Variants in PHKB observed in about 807,000 individuals in gnomAD.
PHKB encodes the protein phosphorylase kinase regulatory subunit beta, also known as phosphorylase b kinase regulatory subunit beta.
Under a neutral mutation model 152.1 loss-of-function variants are expected in PHKB, and 122 were observed. The ratio of observed to expected loss-of-function variants is 0.80; its 90% CI spans 0.69 to 0.93. The LOEUF (loss-of-function observed/expected upper bound fraction) is 0.93. PHKB is among the 40% of genes least tolerant of loss of function. The pLI is 0.00. For missense variants in PHKB, 1,304 were observed against 1,328.4 expected, an observed-to-expected ratio of 0.98 and a Z score of 0.29; for synonymous variants, 436 against 464.9, an observed-to-expected ratio of 0.94 and a Z score of 0.80.
At chr16:47,656,819 T>C (rs531343929) in intron 20 of PHKB, among the ~76,000 whole-genome samples, 39 of 152,294 alleles carry the variant, frequency 2.6e-4, no homozygotes, top group Admixed American at 6.5e-4. Context: ...CATTCATTAC[T>C]AGGATCCCAG....
intron 7 of PHKB, among the ~76,000 whole-genome samples, chr16:47,572,416 G>A (rs193225429): frequency 6.6e-6 from 1 of 152,276 alleles, no homozygotes; most frequent in Admixed American, 6.5e-5. Flanking sequence ...CACTCTATTT[G>A]GGATGTGACT....
Position 47,700,170 on chromosome 16 carries a change from GA to G in PHKB, c.*808del, listed in dbSNP as rs1320251078. 1.3e-5 allele frequency: 2 copies of G among 151,794 alleles called. No individual in the cohort carries two copies. The highest frequency in any genetic ancestry group is 4.8e-5 in the African/African-American group (2 of 41,312). The allele number at this position is 151,794 out of a possible 1,614,324, so 9.4% of individuals were successfully genotyped here. ...TCAAGACCAGCCCAGCCAACATGGT[GA>G]AAACCCTGTCTCTACTAAAAATACA... is the stretch of plus-strand genomic sequence containing the variant. On this transcript the variant is annotated 3_prime_UTR_variant, in exon 31 of 31. Transcript: ENST00000323584.
At chr16:47,500,875 T>C (rs1002863934) in intron 3 of PHKB, among the ~76,000 whole-genome samples, 1 of 152,204 alleles carries the variant, frequency 6.6e-6, no homozygotes, top group Non-Finnish European at 1.5e-5. Flanking sequence ...TCCATAGTTA[T>C]GTTTCTGATT....
Position 47,658,729 on chromosome 16 carries a change from C to T in PHKB, c.1972-1777C>T, listed in dbSNP as rs147997098. Among the ~76,000 whole-genome samples the T allele has an allele frequency of 2.0e-5, 3 of 152,032 alleles. No individual in the cohort carries two copies. The East Asian group carries it at 5.8e-4, about 29-fold the overall frequency. ...CCACCTACGTTTGTGTAAGTACACT[C>T]TATGGGTGTTCACACAACAACGAGA... On this transcript the variant is annotated intron_variant, in intron 20 of 30. Transcript: ENST00000323584.
At chr16:47,554,411 G>A (rs1971329112) in intron 7 of PHKB, among the ~76,000 whole-genome samples, 1 of 152,200 alleles carries the variant, frequency 6.6e-6, no homozygotes, top group Non-Finnish European at 1.5e-5. Context: ...CTGCTGTGCT[G>A]GCAACGAGAA....
chr16:47,590,764 C>T (rs888039604), intron 10 of PHKB: 5 of 152,154 alleles, frequency 3.3e-5, no homozygotes, highest in Admixed American at 2.6e-4. Context: ...AGGAGCTGCC[C>T]CACAGTCAGG....
Position 47,693,413 on chromosome 16 carries a change from T to C in PHKB, c.2801T>C (p.Leu934Ser). The stretch of plus-strand genomic sequence containing the variant: ...AACAGGCGTCAGATCGATGGGTCTT[T>C]GAATAGAACTCCCACCGGGTTCTAT... Reference protein sequence around the residue: ...WLNRRQIDGSLNRTPTGFYDR... With the variant: ...WLNRRQIDGSSNRTPTGFYDR... The change falls in exon 28 of 31, where the codon TTG becomes TCG. Residue 934 changes from leucine (L) to serine (S), a missense_variant. Leu to Ser is a moderately radical substitution (Grantham distance 145). Coordinates refer to ENST00000323584, the MANE Select transcript of PHKB (RefSeq NM_000293.3). The C allele has an allele frequency of 6.2e-7, 1 of 1,613,958 alleles. No homozygotes were observed.
chr16:47,636,969 G>A (rs533557218), intron 14 of PHKB, among the ~76,000 whole-genome samples: 13 of 152,198 alleles, frequency 8.5e-5, no homozygotes, highest in African/African-American at 2.6e-4. Flanking sequence ...ATCAGCATGC[G>A]CTTCCTCCCT....
chr16:47,532,498 C>T (rs1381895777), intron 6 of PHKB, among the ~76,000 whole-genome samples: 1 of 152,166 alleles, frequency 6.6e-6, no homozygotes, highest in East Asian at 1.9e-4. Context: ...CAAGGATGAG[C>T]CAGATGTGGA....
intron 6 of PHKB, among the ~76,000 whole-genome samples, chr16:47,538,199 A>T (rs1970987698): frequency 6.6e-6 from 1 of 152,158 alleles, no homozygotes; most frequent in African/African-American, 2.4e-5. Context: ...CTAGCCACAA[A>T]GCTTTAAACT....
chr16:47,584,184 A>G (rs1338237765), intron 8 of PHKB, among the ~76,000 whole-genome samples: 2 of 152,112 alleles, frequency 1.3e-5, no homozygotes, highest in Non-Finnish European at 2.9e-5. Flanking sequence ...ATAAAAGCCA[A>G]TTTGGGGCAG....
Position 47,669,210 on chromosome 16 carries a change from T to C in PHKB, c.2428-5T>C, listed in dbSNP as rs1279413713. On this transcript the variant is annotated splice_polypyrimidine_tract_variant and splice_region_variant and intron_variant, in intron 25 of 30. Coordinates refer to ENST00000323584, the MANE Select transcript of PHKB (RefSeq NM_000293.3). ...AATTTTACAATAAAATTCTGCCACT[T>C]GTAGGTAACTCTGGGTGCCTTTGGG... 6.2e-7 allele frequency: 1 copy of C among 1,611,336 alleles called. No individual in the cohort carries two copies. The highest frequency in any genetic ancestry group is 2.2e-5 in the East Asian group (1 of 44,856).
chr16:47,655,189 T>A (rs1973313589), intron 20 of PHKB, among the ~76,000 whole-genome samples: 1 of 152,136 alleles, frequency 6.6e-6, no homozygotes, highest in East Asian at 1.9e-4. Context: ...TAATATGTAA[T>A]CAAGGAAACA....
intron 1 of PHKB, among the ~76,000 whole-genome samples, chr16:47,495,023 G>A (rs1358649877): frequency 6.6e-6 from 1 of 152,084 alleles, no homozygotes; most frequent in Non-Finnish European, 1.5e-5. Flanking sequence ...AGCTGTTCTT[G>A]ACTTATCATG....
chr16:47,507,462 C>T (rs1970439814), intron 4 of PHKB, among the ~76,000 whole-genome samples: 1 of 152,126 alleles, frequency 6.6e-6, no homozygotes, highest in Non-Finnish European at 1.5e-5. Context: ...ATTAACCAGT[C>T]ATCACAATTG....
At chr16:47,608,980 C>T (rs1972376959) in intron 13 of PHKB, among the ~76,000 whole-genome samples, 1 of 152,086 alleles carries the variant, frequency 6.6e-6, no homozygotes, top group Admixed American at 6.6e-5. Flanking sequence ...ATTCCTGATC[C>T]TTGGGGGAAA....
At chr16:47,545,581 T>C (rs1251954994) in intron 6 of PHKB, among the ~76,000 whole-genome samples, 1 of 152,208 alleles carries the variant, frequency 6.6e-6, no homozygotes, top group African/African-American at 2.4e-5. Flanking sequence ...TTGAGGTTGC[T>C]CTTTTCGAGG....
At chr16:47,552,810 C>T (rs1971296742) in intron 7 of PHKB, among the ~76,000 whole-genome samples, 1 of 151,814 alleles carries the variant, frequency 6.6e-6, no homozygotes, top group Admixed American at 6.6e-5. Context: ...AACACACACA[C>T]ACACACACAC....
chr16:47,682,092 C>T (rs1973869350), intron 26 of PHKB, among the ~76,000 whole-genome samples: 1 of 152,098 alleles, frequency 6.6e-6, no homozygotes, highest in South Asian at 2.1e-4. Context: ...GAATATTGGC[C>T]CCCACTCTCT....
Sources: allele counts gnomAD v4.1 joint callset (sites outside exome capture counted in the v4.1 genomes callset), GRCh38; gene constraint gnomAD v4.1.1; transcripts MANE v1.5; gene names NCBI Gene and HGNC (gene_info 2026-07-23, HGNC 2026-07-21).